The following EML5 variants were observed in gnomAD, a reference collection of about 807,000 sequenced individuals.
The protein encoded by EML5 is echinoderm microtubule-associated protein-like 5.
Under a neutral mutation model 250.0 loss-of-function variants are expected in EML5, and 120 were observed. That is an observed-to-expected ratio of 0.48 (90% CI 0.41 to 0.56). EML5 has a LOEUF of 0.56. EML5 is among the 20% of genes least tolerant of loss of function. The pLI, the probability that EML5 is intolerant of heterozygous loss-of-function variation, is 0.00. For synonymous variants in EML5, 771 were observed against 806.5 expected (o/e 0.96, Z 0.75); for missense variants, 2,006 against 2,437.6 (o/e 0.82, Z 3.73).
At chr14:88,763,964 T>C (rs2094286221) in intron 1 of EML5, among the ~76,000 whole-genome samples, 1 of 152,234 alleles carries the variant, frequency 6.6e-6, no homozygotes, top group African/African-American at 2.4e-5. Flanking sequence ...TATTAAATTC[T>C]GTCAAATGCT....
intron 23 of EML5, 134 bp downstream of exon 23, chr14:88,664,359 A>T (rs527876629): frequency 1.4e-6 from 1 of 703,298 alleles, no homozygotes; most frequent in South Asian, 3.0e-5. Context: ...ATAGTAAAAA[A>T]TAATTTTGAG....
At chr14:88,746,027 A>G (rs964327437) in intron 3 of EML5, among the ~76,000 whole-genome samples, 158 bp downstream of exon 3, 4 of 152,250 alleles carry the variant, frequency 2.6e-5, no homozygotes, top group Non-Finnish European at 5.9e-5. Context: ...TAACACTTTA[A>G]GACTTTTTAC....
At chr14:88,786,775 T>G (rs926259691) in intron 1 of EML5, among the ~76,000 whole-genome samples, 30 of 152,204 alleles carry the variant, frequency 2.0e-4, no homozygotes, top group African/African-American at 7.0e-4. Flanking sequence ...GAACTGCCTT[T>G]CACTTCCCAC....
chr14:88,659,267 A>T (rs1296130150), intron 25 of EML5, among the ~76,000 whole-genome samples: 1 of 151,698 alleles, frequency 6.6e-6, no homozygotes. Context: ...ACTGGAATGC[A>T]GTGGCACGAT....
rs188738229 is a variant in EML5, at chr14:88,745,046, G to T, written c.457-955C>A. On this transcript the variant is annotated intron_variant, in intron 3 of 43. Transcript: ENST00000554922. ...CATTGACAGTGTCATATTTTGTAACGGGTCTATTTATATAAATTCCAAATA... is the reference window on the plus strand; with the variant it reads ...CATTGACAGTGTCATATTTTGTAACTGGTCTATTTATATAAATTCCAAATA... Among the ~76,000 whole-genome samples the T allele has an allele frequency of 2.0e-5, 3 of 151,872 alleles. No homozygotes were observed. In the East Asian group the frequency reaches 5.8e-4, roughly 29 times the overall value.
chr14:88,764,401 G>A (rs1595822262), intron 1 of EML5, among the ~76,000 whole-genome samples: 1 of 152,170 alleles, frequency 6.6e-6, no homozygotes, highest in East Asian at 1.9e-4. Context: ...AAATGTATAA[G>A]TTGTTTATAG....
Position 88,612,751 on chromosome 14 carries a change from G to A in EML5, c.*3067C>T, listed in dbSNP as rs550701278. The stretch of plus-strand genomic sequence containing the variant: ...AGATAGGTAAACTGCAAGATAGATA[G>A]GATGAAACTTTTGGCCTACTGTATT... On this transcript the variant is annotated 3_prime_UTR_variant, in exon 44 of 44. Coordinates refer to ENST00000554922, the MANE Select transcript of EML5 (RefSeq NM_183387.3). 9 of 152,688 alleles carry A rather than the reference G, an allele frequency of 5.9e-5. No homozygotes were observed. The highest frequency in any genetic ancestry group is 2.2e-4 in the African/African-American group (9 of 41,574). The allele number at this position is 152,688 out of a possible 1,614,324, so 9.5% of individuals were successfully genotyped here. A position where few individuals can be genotyped will look rare whatever the true frequency, so the allele number is the denominator to read the frequency against.
intron 8 of EML5, among the ~76,000 whole-genome samples, chr14:88,719,560 A>G (rs750875379): frequency 3.9e-5 from 6 of 152,118 alleles, no homozygotes; most frequent in Non-Finnish European, 8.8e-5. Context: ...GCCTCTGAGG[A>G]GTTTGCTGTT....
At chr14:88,771,372 T>C (rs902208268) in intron 1 of EML5, among the ~76,000 whole-genome samples, 1 of 152,224 alleles carries the variant, frequency 6.6e-6, no homozygotes, top group Non-Finnish European at 1.5e-5. Context: ...CTGACTTCTC[T>C]TTATGTCTAT....
At chr14:88,700,381 T>C (rs768655759) in intron 14 of EML5, among the ~76,000 whole-genome samples, 6 of 152,146 alleles carry the variant, frequency 3.9e-5, no homozygotes, top group Non-Finnish European at 7.4e-5. Flanking sequence ...GCAACAATTA[T>C]TTGTTTTTTT....
chr14:88,634,178 T>G (rs1300632180), intron 33 of EML5, among the ~76,000 whole-genome samples: 1 of 152,174 alleles, frequency 6.6e-6, no homozygotes, highest in Non-Finnish European at 1.5e-5. Flanking sequence ...TCTGCTCGTT[T>G]AAACGTGTAG....
intron 21 of EML5, among the ~76,000 whole-genome samples, chr14:88,676,016 C>T (rs2092586264): frequency 6.6e-6 from 1 of 152,184 alleles, no homozygotes; most frequent in Admixed American, 6.5e-5. Flanking sequence ...TCATCATCAG[C>T]ATTTTGGTCA....
intron 21 of EML5, among the ~76,000 whole-genome samples, chr14:88,671,920 C>G (rs370540333): frequency 2.9e-4 from 44 of 152,116 alleles, no homozygotes; most frequent in Non-Finnish European, 4.0e-4. Context: ...TAGAGACCTA[C>G]GAAGAGACAA....
Position 88,694,280 on chromosome 14 carries a change from T to C in EML5, c.2539+27A>G, listed in dbSNP as rs114356904. 2,843 of 1,454,988 alleles carry C rather than the reference T, an allele frequency of 2.0e-3. 59 individuals are homozygous for C. In the African/African-American group the frequency reaches 0.036, roughly 18 times the overall value. 90.1% of individuals were successfully genotyped at this position (1,454,988 alleles called of 1,614,324 possible). A position where few individuals can be genotyped will look rare whatever the true frequency, so the allele number is the denominator to read the frequency against. ...AAAGCAATAATTTCTTAAAATTCTA[T>C]GGAGTAAAAAAGAAGCACTTTCTTA... On this transcript the variant is annotated intron_variant, in intron 17 of 43. Coordinates refer to ENST00000554922, the MANE Select transcript of EML5 (RefSeq NM_183387.3).
intron 14 of EML5, among the ~76,000 whole-genome samples, chr14:88,700,675 G>A (rs915227355): frequency 3.0e-4 from 46 of 152,220 alleles, no homozygotes; most frequent in African/African-American, 1.1e-3. Context: ...AAAACTCAGA[G>A]GTGGAATGAG....
intron 1 of EML5, among the ~76,000 whole-genome samples, chr14:88,786,570 A>G (rs2094553238): frequency 6.6e-6 from 1 of 152,174 alleles, no homozygotes; most frequent in South Asian, 2.1e-4. Flanking sequence ...CTGTGTCCCC[A>G]CCCAAATCTC....
At chr14:88,665,928 C>G (rs763695526) in intron 21 of EML5, among the ~76,000 whole-genome samples, 47 of 151,724 alleles carry the variant, frequency 3.1e-4, no homozygotes, top group Non-Finnish European at 5.6e-4. Flanking sequence ...AAAATATTTG[C>G]TAAAAAGGTT....
intron 1 of EML5, among the ~76,000 whole-genome samples, chr14:88,787,621 T>C (rs2094564519): frequency 6.6e-6 from 1 of 152,308 alleles, no homozygotes; most frequent in South Asian, 2.1e-4. Flanking sequence ...CTGGAAAACA[T>C]CTCTTAATTT....
At chr14:88,760,048 A>T (rs1161177081) in intron 1 of EML5, among the ~76,000 whole-genome samples, 1 of 152,194 alleles carries the variant, frequency 6.6e-6, no homozygotes, top group East Asian at 1.9e-4. Flanking sequence ...GAGTTTTCAA[A>T]GTATTTCATA....
Sources: allele counts gnomAD v4.1 joint callset (sites outside exome capture counted in the v4.1 genomes callset), GRCh38; gene constraint gnomAD v4.1.1; transcripts MANE v1.5; gene names NCBI Gene and HGNC (gene_info 2026-07-23, HGNC 2026-07-21).